DLL1: variants seen among roughly 807,000 people sequenced by gnomAD.
DLL1 encodes delta-like protein 1.
Under a neutral mutation model 75.1 loss-of-function variants are expected in DLL1, and 9 were observed. The ratio of observed to expected loss-of-function variants is 0.12; its 90% CI spans 0.07 to 0.21. DLL1 has a LOEUF of 0.21. DLL1 is among the 10% of genes least tolerant of loss of function. The probability of loss-of-function intolerance (pLI) is 1.00; values close to 1 mark genes in which losing one functional copy is unlikely to be tolerated. For missense variants in DLL1, 837 were observed against 1,007.6 expected, an observed-to-expected ratio of 0.83 and a Z score of 2.29; for synonymous variants, 477 against 418.3, an observed-to-expected ratio of 1.14 and a Z score of -1.71.
At chr6:170,289,390 C>G in intron 2 of DLL1, 122 bp downstream of exon 2, 1 of 1,413,142 alleles carries the variant, frequency 7.1e-7, no homozygotes, top group East Asian at 2.7e-5. Flanking sequence ...GATCGCAGCG[C>G]CCACCTGCGC....
intron 1 of DLL1, 95 bp from the exon 2 acceptor site, chr6:170,289,903 G>C (rs1783813099): frequency 7.2e-7 from 1 of 1,380,852 alleles, no homozygotes; most frequent in Non-Finnish European, 9.5e-7. Context: ...GCCTGGAAGG[G>C]CTCAGGGGCC....
intron 4 of DLL1, 55 bp downstream of exon 4, chr6:170,288,182 TGC>T: frequency 6.2e-7 from 1 of 1,612,416 alleles, no homozygotes; most frequent in Non-Finnish European, 8.5e-7. Context: ...GCCCCGTCCC[TGC>T]GCGCGGTCCG....
At chr6:170,288,528 GA>G in intron 3 of DLL1, 32 bp from the exon 4 acceptor site, 1 of 1,614,102 alleles carries the variant, frequency 6.2e-7, no homozygotes, top group Non-Finnish European at 8.5e-7. Flanking sequence ...GGTTGGTTCT[GA>G]ACGAGAACCC....
At chr6:170,287,477 G>A (rs1316541998) in intron 4 of DLL1, among the ~76,000 whole-genome samples, 1 of 152,224 alleles carries the variant, frequency 6.6e-6, no homozygotes, top group African/African-American at 2.4e-5. Flanking sequence ...GGGCTCCTGA[G>A]GTCCCCATGA....
chr6:170,290,984 G>C lies in DLL1; in HGVS notation c.-845C>G, dbSNP rs1248940268. ...TCAGCCGGCCGCCCGCATGGCTAAT[G>C]AGATGCAAATCAGCAGCCCCCCAAT... On this transcript the variant is annotated 5_prime_UTR_variant, in exon 1 of 11. Coordinates refer to ENST00000366756, the MANE Select transcript of DLL1 (RefSeq NM_005618.4). This position sits in a 1 kb window ranked among gnomAD's most constrained non-coding sequence, Gnocchi z 4.7. 1.7e-5 allele frequency: 12 copies of C among 701,634 alleles called. No homozygotes were observed. Among genetic ancestry groups the C allele is most frequent in the Non-Finnish European group, 2.9e-5 (11 of 384,484 alleles). The allele number at this position is 701,634 out of a possible 1,614,324, so 43.5% of individuals were successfully genotyped here.
At chr6:170,287,633 G>T (rs1453787102) in intron 4 of DLL1, among the ~76,000 whole-genome samples, 1 of 152,246 alleles carries the variant, frequency 6.6e-6, no homozygotes, top group Non-Finnish European at 1.5e-5. Context: ...TGCTGCCTGA[G>T]CATTCAAGCC....
In DLL1 at chr6:170,288,442, C is replaced by T; in HGVS notation, c.467G>A (p.Gly156Asp). 6.2e-7 allele frequency: 1 copy of T among 1,614,028 alleles called. No individual in the cohort carries two copies. Among genetic ancestry groups the T allele is most frequent in the South Asian group, 1.1e-5 (1 of 91,086 alleles). ...GTGCAGGTCCTGGGACCACTCCTCG[C>T]CCACCGTCAGGTGCCTCTGGGTGGC... is the stretch of plus-strand genomic sequence containing the variant. ...RLATQRHLTVGEEWSQDLHSS... is the reference protein window; with the variant it reads ...RLATQRHLTVDEEWSQDLHSS... The change falls in exon 4 of 11, where the codon GGC becomes GAC. Residue 156 changes from glycine (G) to aspartate (D), a missense_variant. By Grantham distance (94) the Gly-to-Asp change is moderately conservative. Coordinates refer to ENST00000366756, the MANE Select transcript of DLL1 (RefSeq NM_005618.4).
In DLL1 at chr6:170,290,031, C is replaced by A. The variant is rs1783818255; in HGVS notation, c.54+55G>T. On this transcript the variant is annotated intron_variant, in intron 1 of 10. Coordinates refer to ENST00000366756, the MANE Select transcript of DLL1 (RefSeq NM_005618.4). This position sits in a 1 kb window ranked among gnomAD's most constrained non-coding sequence, Gnocchi z 4.7. The stretch of plus-strand genomic sequence containing the variant: ...CCTCCCCGCGCGCTCCTGCCCCGCG[C>A]CCCGGCTACCCGTGAGACCCCGCGG... 5.2e-6 allele frequency: 8 copies of A among 1,524,250 alleles called. No individual in the cohort carries two copies. Among genetic ancestry groups the A allele is most frequent in the Non-Finnish European group, 7.0e-6 (8 of 1,144,984 alleles). 94.4% of individuals were successfully genotyped at this position (1,524,250 alleles called of 1,614,324 possible). A position where few individuals can be genotyped will look rare whatever the true frequency, so the allele number is the denominator to read the frequency against.
rs778483912 is a variant in DLL1 at position 170,285,551 on chromosome 6, C to T, written c.862+18G>A. On this transcript the variant is annotated intron_variant, in intron 6 of 10. Coordinates refer to ENST00000366756, the MANE Select transcript of DLL1 (RefSeq NM_005618.4). ...CTGCTCTGGAGGGAGCAGGCTGCCT[C>T]AGGGAGAGAAGGCTTACCCTGGTTG... The T allele has an allele frequency of 3.7e-6, 6 of 1,614,154 alleles. No individual in the cohort carries two copies. In the South Asian group the frequency reaches 6.6e-5, roughly 18 times the overall value.
Position 170,282,859 on chromosome 6 carries a change from C to G in DLL1, c.*15G>C. The G allele has an allele frequency of 6.2e-7, 1 of 1,614,156 alleles. No homozygotes were observed. The highest frequency in any genetic ancestry group is 1.1e-5 in the South Asian group (1 of 91,080). Reference sequence around the variant, plus strand: ...ATTTTAAGAGAAACGGGAGTCTTGCCATCTCACTTCCATTTTACACCTGGG... The same window carrying G: ...ATTTTAAGAGAAACGGGAGTCTTGCGATCTCACTTCCATTTTACACCTGGG... On this transcript the variant is annotated 3_prime_UTR_variant, in exon 11 of 11. Transcript: ENST00000366756.
At chr6:170,282,903 G>GA in intron 10 of DLL1, 24 bp from the exon 11 acceptor site, 9 of 1,614,202 alleles carry the variant, frequency 5.6e-6, no homozygotes, top group Non-Finnish European at 6.8e-6. Flanking sequence ...AGACAAATGG[G>GA]AAGTTAGCCT....
intron 2 of DLL1, chr6:170,289,252 T>G: frequency 1.5e-6 from 1 of 684,648 alleles, no homozygotes; most frequent in Non-Finnish European, 2.6e-6. Flanking sequence ...AGAGGCCGGA[T>G]ACGGAAATCT....
chr6:170,290,480 G>C lies in DLL1; in HGVS notation c.-341C>G. 1 of 325,734 alleles carries C rather than the reference G, an allele frequency of 3.1e-6. No individual in the cohort carries two copies. The highest frequency in any genetic ancestry group is 7.4e-5 in the South Asian group (1 of 13,516). 20.2% of individuals were successfully genotyped at this position (325,734 alleles called of 1,614,324 possible). ...GTCGCCGGCTTCCTGGTTTTGTCTT[G>C]AGCTTCTTCGCAGGAGAGGGAGGGG... is the stretch of plus-strand genomic sequence containing the variant. On this transcript the variant is annotated 5_prime_UTR_variant, in exon 1 of 11. Coordinates refer to ENST00000366756, the MANE Select transcript of DLL1 (RefSeq NM_005618.4). This position sits in a 1 kb window ranked among gnomAD's most constrained non-coding sequence, Gnocchi z 4.7.
chr6:170,288,694 G>C (rs774779343), intron 3 of DLL1, 35 bp downstream of exon 3: 17 of 1,613,754 alleles, frequency 1.1e-5, no homozygotes, highest in Non-Finnish European at 1.4e-5. Context: ...TATTAACTGG[G>C]GAAAGCAGTT....
intron 8 of DLL1, 91 bp from the exon 9 acceptor site, chr6:170,284,120 G>T: frequency 6.7e-7 from 1 of 1,490,000 alleles, no homozygotes; most frequent in Non-Finnish European, 9.0e-7. Flanking sequence ...TGACACTGTA[G>T]AAACCAGACA....
At position 170,283,951 on chromosome 6, in the gene DLL1, T is replaced by C. The variant is rs780844790; in HGVS notation, c.1328A>G (p.Asn443Ser). ...AGFSGRHCDDNVDDCASSPCA... is the reference protein window; with the variant it reads ...AGFSGRHCDDSVDDCASSPCA... ...CGGGGAGGAGGCGCAGTCGTCCACG[T>C]TGTCGTCACAGTGCCTCCCCGAGAA... is the stretch of plus-strand genomic sequence containing the variant. The change falls in exon 9 of 11, where the codon AAC becomes AGC. Residue 443 changes from asparagine to serine, a missense_variant. Physicochemically the swap from Asn to Ser is conservative, Grantham distance 46 (BLOSUM62 1). Coordinates refer to ENST00000366756, the MANE Select transcript of DLL1 (RefSeq NM_005618.4). The C allele has an allele frequency of 6.3e-7, 1 of 1,592,230 alleles. No individual in the cohort carries two copies. Among genetic ancestry groups the C allele is most frequent in the Non-Finnish European group, 8.5e-7 (1 of 1,172,964 alleles).
In DLL1 at chr6:170,283,912, C is replaced by T. The variant is rs1244396099; in HGVS notation, c.1367G>A (p.Gly456Asp). ...DCASSPCANG[G>D]TCRDGVNDFS... ...GTCGTTCACGCCATCCCGGCAGGTG[C>T]CCCCGTTGGCGCACGGGGAGGAGGC... The change falls in exon 9 of 11, where the codon GGC (glycine) becomes GAC (aspartate). Residue 456 changes from glycine to aspartate, a missense_variant. Physicochemically the swap from Gly to Asp is moderately conservative, Grantham distance 94. Around this residue, in one of 2 missense-constraint regions of DLL1, gnomAD observed 533 missense variants for 545.7 expected, o/e 0.98. Coordinates refer to ENST00000366756, the MANE Select transcript of DLL1 (RefSeq NM_005618.4). 2 of 1,601,936 alleles carry T rather than the reference C, an allele frequency of 1.2e-6. No individual in the cohort carries two copies. The highest frequency in any genetic ancestry group is 8.5e-7 in the Non-Finnish European group (1 of 1,177,342).
Position 170,284,912 on chromosome 6 carries a change from C to T in DLL1, c.1249+7G>A, listed in dbSNP as rs2114959980. On this transcript the variant is annotated splice_region_variant and intron_variant, in intron 8 of 10. Transcript: ENST00000366756. ...AGTCTCTGAGCAATCACCAGCTGCC[C>T]CCTTACCATTAGAACAGGGTGAAGA... 6.2e-7 allele frequency: 1 copy of T among 1,613,484 alleles called. No homozygotes were observed. Among genetic ancestry groups the T allele is most frequent in the East Asian group, 2.2e-5 (1 of 44,866 alleles).
At position 170,282,551 on chromosome 6, in the gene DLL1, A is replaced by G. The variant is rs778677063; in HGVS notation, c.*323T>C. On this transcript the variant is annotated 3_prime_UTR_variant, in exon 11 of 11. Coordinates refer to ENST00000366756, the MANE Select transcript of DLL1 (RefSeq NM_005618.4). ...TTCTAATTCAAGAAAAGACTGGCTC[A>G]TAAGAATCCAAAATATACACTCAGG... 15 of 521,430 alleles carry G rather than the reference A, an allele frequency of 2.9e-5. No homozygotes were observed. In the Admixed American group the frequency reaches 3.5e-4, roughly 12 times the overall value. 32.3% of individuals were successfully genotyped at this position (521,430 alleles called of 1,614,324 possible).
Sources: allele counts gnomAD v4.1 joint callset (sites outside exome capture counted in the v4.1 genomes callset), GRCh38; gene constraint gnomAD v4.1.1; regional missense constraint gnomAD v4.1.1; non-coding constraint Gnocchi (gnomAD v3.1); transcripts MANE v1.5; gene names NCBI Gene and HGNC (gene_info 2026-07-23, HGNC 2026-07-21).